The following SLC25A45 variants were observed in gnomAD, a reference collection of about 807,000 sequenced individuals.
SLC25A45 encodes solute carrier family 25 member 45.
In SLC25A45, 22 loss-of-function variants were observed where a neutral mutation model predicts 23.0. The observed-to-expected ratio is 0.95, with a 90% CI of 0.68 to 1.36. The LOEUF is 1.36. SLC25A45 is among the 40% of genes most tolerant of loss of function. The probability of loss-of-function intolerance (pLI) is 0.00; values close to 1 mark genes in which losing one functional copy is unlikely to be tolerated. For missense variants in SLC25A45, 355 were observed against 383.5 expected (o/e 0.93, Z 0.62); for synonymous variants, 136 against 155.0 (o/e 0.88, Z 0.91).
chr11:65,379,691 G>A (rs1855441670), intron 4 of SLC25A45, 130 bp from the exon 5 acceptor site: 3 of 1,256,706 alleles, frequency 2.4e-6, no homozygotes, highest in Non-Finnish European at 3.3e-6. Context: ...GGGACAGGCA[G>A]GGATGGGCTG....
chr11:65,380,054 C>G (rs1313601949), intron 3 of SLC25A45, 78 bp downstream of exon 3: 2 of 1,580,136 alleles, frequency 1.3e-6, no homozygotes, highest in African/African-American at 2.7e-5. Context: ...GCAAGATTAG[C>G]CAGGCCTGAT....
At chr11:65,378,520 G>T (rs965483336) in intron 5 of SLC25A45, 1 of 152,082 alleles carries the variant, frequency 6.6e-6, no homozygotes, top group Non-Finnish European at 1.5e-5. Context: ...GATGTGGCTC[G>T]CGGGGCTCAG....
At chr11:65,381,809 G>C (rs1291636571) in intron 2 of SLC25A45, 106 bp downstream of exon 2, 2 of 1,419,842 alleles carry the variant, frequency 1.4e-6, no homozygotes, top group Non-Finnish European at 2.0e-6. Context: ...CCTCCCGCCA[G>C]GCCGGAACTC....
At chr11:65,379,064 T>C (rs530706303) in intron 5 of SLC25A45, 3 of 355,080 alleles carry the variant, frequency 8.4e-6, no homozygotes, top group East Asian at 1.4e-4. Flanking sequence ...GGGAGTGGGC[T>C]CCCCACAGCT....
At chr11:65,379,664 C>T in intron 4 of SLC25A45, 103 bp from the exon 5 acceptor site, 1 of 1,348,568 alleles carries the variant, frequency 7.4e-7, no homozygotes, top group South Asian at 1.4e-5. Flanking sequence ...GCTCCCAAGT[C>T]CTGCCACAGG....
In SLC25A45 at chr11:65,376,904, G is replaced by A. The variant is rs368023459; in HGVS notation, c.512C>T (p.Thr171Met). 1.7e-4 allele frequency: 280 copies of A among 1,613,352 alleles called. No homozygotes were observed. Among genetic ancestry groups the A allele is most frequent in the Non-Finnish European group, 2.2e-4 (261 of 1,179,404 alleles). The change falls in exon 6 of 7, where the codon ACG (threonine) becomes ATG (methionine). Residue 171 changes from threonine (T) to methionine (M), a missense_variant. Thr to Met is a moderately conservative substitution (Grantham distance 81). Coordinates refer to ENST00000398802, the MANE Select transcript of SLC25A45 (RefSeq NM_182556.4). ...CCCCACCGTGGGGGTGTCCCTCAGC[G>A]TCAGGGCCCAGGCTCCTCGGAACAG... ...RGLFRGAWALTLRDTPTVGIY... is the reference protein window; with the variant it reads ...RGLFRGAWALMLRDTPTVGIY...
At chr11:65,380,425 C>A in intron 2 of SLC25A45, 1 of 1,012,564 alleles carries the variant, frequency 9.9e-7, no homozygotes. Context: ...GATGCACACC[C>A]AAGAGGGAAG....
At position 65,379,585 on chromosome 11, in the gene SLC25A45, G is replaced by A. The variant is rs200080042; in HGVS notation, c.154-24C>T. ...AGCTGCAGAGAGACACAGTGGCAGC[G>A]GAGTAGGCACCGTGGGGCCTCCCCT... On this transcript the variant is annotated intron_variant, in intron 4 of 6. Transcript: ENST00000398802. The A allele has an allele frequency of 3.3e-4, 525 of 1,588,618 alleles. 1 individual carries two copies. Among genetic ancestry groups the A allele is most frequent in the East Asian group, 5.6e-4 (25 of 44,470 alleles).
At position 65,376,964 on chromosome 11, in the gene SLC25A45, G is replaced by A; in HGVS notation, c.452C>T (p.Ala151Val). The A allele has an allele frequency of 6.2e-7, 1 of 1,613,278 alleles. No homozygotes were observed. Among genetic ancestry groups the A allele is most frequent in the Non-Finnish European group, 8.5e-7 (1 of 1,179,602 alleles). The change falls in exon 6 of 7, where the codon GCA (alanine) becomes GTA (valine). Residue 151 changes from alanine (A) to valine (V), a missense_variant. Ala to Val is a moderately conservative substitution (Grantham distance 64, BLOSUM62 0). Transcript: ENST00000398802. ...PPRYQGPVHC[A>V]ASIFREEGPR... ...CCCCTCCTCCCGGAAGATGGAGGCTGCACAGTGCACGGGCCCCTGGTACCG... is the reference window on the plus strand; with the variant it reads ...CCCCTCCTCCCGGAAGATGGAGGCTACACAGTGCACGGGCCCCTGGTACCG...
At chr11:65,377,415 T>C in intron 5 of SLC25A45, 1 of 1,163,860 alleles carries the variant, frequency 8.6e-7, no homozygotes, top group Non-Finnish European at 1.1e-6. Flanking sequence ...AAGCCGGCAG[T>C]GAGCATACCT....
rs759138334 is a variant in SLC25A45 at position 65,379,518 on chromosome 11, A to T, written c.197T>A (p.Ile66Lys). The change falls in exon 5 of 7, where the codon ATA becomes AAA. Residue 66 changes from isoleucine to lysine, a missense_variant. Ile to Lys is a moderately radical substitution (Grantham distance 102). Coordinates refer to ENST00000398802, the MANE Select transcript of SLC25A45 (RefSeq NM_182556.4). ...FKGMSFPIAS[I>K]AVVNSVLFGV... ...AAACAGGACAGAGTTGACCACAGCT[A>T]TGCTGGCAATGGGGAAGCTCATTCC... 1 of 1,613,276 alleles carries T rather than the reference A, an allele frequency of 6.2e-7. No homozygotes were observed. Among genetic ancestry groups the T allele is most frequent in the African/African-American group, 1.3e-5 (1 of 75,038 alleles).
At chr11:65,381,779 A>G (rs1855572474) in intron 2 of SLC25A45, 136 bp downstream of exon 2, 1 of 1,106,444 alleles carries the variant, frequency 9.0e-7, no homozygotes. Context: ...ACTGGTCTCA[A>G]ACTCCTGGGC....
At position 65,377,587 on chromosome 11, in the gene SLC25A45, G is replaced by A. The variant is rs539520834; in HGVS notation, c.340-511C>T. Reference sequence around the variant, plus strand: ...ACAAGGCCAGCCCCTCCTGCCTCCAGAGAGGCAAGACTCCTTCCCATTAGC... The same window carrying A: ...ACAAGGCCAGCCCCTCCTGCCTCCAAAGAGGCAAGACTCCTTCCCATTAGC... On this transcript the variant is annotated intron_variant, in intron 5 of 6. Transcript: ENST00000398802. 3.6e-4 allele frequency: 64 copies of A among 179,032 alleles called. No individual in the cohort carries two copies. In the South Asian group the frequency reaches 0.011, roughly 30 times the overall value. The allele number at this position is 179,032 out of a possible 1,614,324, so 11.1% of individuals were successfully genotyped here.
intron 6 of SLC25A45, 65 bp from the exon 7 acceptor site, chr11:65,376,740 T>C: frequency 6.2e-7 from 1 of 1,613,724 alleles, no homozygotes; most frequent in Non-Finnish European, 8.5e-7. Context: ...CAGACCCTAG[T>C]TTCCTTCCCC....
chr11:65,379,841 G>A (rs762612064), intron 4 of SLC25A45, 26 bp downstream of exon 4: 1 of 1,613,710 alleles, frequency 6.2e-7, no homozygotes, highest in East Asian at 2.2e-5. Flanking sequence ...GAAAGGGGAA[G>A]GACCCCAAAG....
In SLC25A45 at chr11:65,376,324, GCAAGCTTTCAACCTGGCCTC is replaced by G. The variant is rs1855167906; in HGVS notation, c.*63_*82del. The G allele has an allele frequency of 6.6e-6, 10 of 1,509,820 alleles. No individual in the cohort carries two copies. Among genetic ancestry groups the G allele is most frequent in the Non-Finnish European group, 9.0e-6 (10 of 1,111,170 alleles). The allele number at this position is 1,509,820 out of a possible 1,614,324, so 93.5% of individuals were successfully genotyped here. A position where few individuals can be genotyped will look rare whatever the true frequency, so the allele number is the denominator to read the frequency against. On this transcript the variant is annotated 3_prime_UTR_variant, in exon 7 of 7. Transcript: ENST00000398802. Reference sequence around the variant, plus strand: ...AGGGCTGAGCCTCTTGCACTGATTTGCAAGCTTTCAACCTGGCCTCCAATCTCAAACTGGCCTCCAGGCCG... The same window carrying G: ...AGGGCTGAGCCTCTTGCACTGATTTGCAATCTCAAACTGGCCTCCAGGCCG...
At chr11:65,381,041 G>T (rs1855525371) in intron 2 of SLC25A45, 1 of 155,474 alleles carries the variant, frequency 6.4e-6, no homozygotes, top group Admixed American at 6.4e-5. Context: ...GGCAGAGGCA[G>T]CACCCTCCCA....
Position 65,382,534 on chromosome 11 carries a change from C to G in SLC25A45, c.-67G>C, listed in dbSNP as rs1335886647. The G allele has an allele frequency of 6.4e-6, 1 of 155,238 alleles. No individual in the cohort carries two copies. The highest frequency in any genetic ancestry group is 1.9e-4 in the East Asian group (1 of 5,296). 9.6% of individuals were successfully genotyped at this position (155,238 alleles called of 1,614,324 possible). On this transcript the variant is annotated 5_prime_UTR_variant, in exon 1 of 7. Transcript: ENST00000398802. This position sits in a 1 kb window ranked among gnomAD's most constrained non-coding sequence, Gnocchi z 4.4. ...GTTGTTTACGACTCCCCCGACTCCC[C>G]CGTGTGAGTCAGAAACACAGCCTTC...
In SLC25A45 at chr11:65,382,251, G is replaced by T. The variant is rs1855611158; in HGVS notation, c.-19+235C>A. Reference sequence around the variant, plus strand: ...TCCTCGCTCTGAGGATGGCAACTGGGTTCCTGCCCCATGGTCGGGCCCCTC... The same window carrying T: ...TCCTCGCTCTGAGGATGGCAACTGGTTTCCTGCCCCATGGTCGGGCCCCTC... On this transcript the variant is annotated intron_variant, in intron 1 of 6. Coordinates refer to ENST00000398802, the MANE Select transcript of SLC25A45 (RefSeq NM_182556.4). This position sits in a 1 kb window ranked among gnomAD's most constrained non-coding sequence, Gnocchi z 4.4. 2.1e-6 allele frequency: 1 copy of T among 483,670 alleles called. No homozygotes were observed. The highest frequency in any genetic ancestry group is 1.9e-5 in the African/African-American group (1 of 51,330). 30.0% of individuals were successfully genotyped at this position (483,670 alleles called of 1,614,324 possible).
Sources: allele counts gnomAD v4.1 joint callset, GRCh38; gene constraint gnomAD v4.1.1; non-coding constraint Gnocchi (gnomAD v3.1); transcripts MANE v1.5; gene names NCBI Gene and HGNC (gene_info 2026-07-23, HGNC 2026-07-21).